Variants in AUH observed in about 807,000 individuals in gnomAD.
AUH encodes the protein AU RNA binding methylglutaconyl-CoA hydratase, also known as methylglutaconyl-CoA hydratase, mitochondrial.
Under a neutral mutation model 42.3 loss-of-function variants are expected in AUH, and 29 were observed. The observed-to-expected ratio is 0.69, with a 90% CI of 0.51 to 0.93. The LOEUF (loss-of-function observed/expected upper bound fraction) is 0.93. Ranked by LOEUF, AUH falls within the 40% of genes least tolerant of loss-of-function variation. The pLI is 0.00. For synonymous variants in AUH, 174 were observed against 166.4 expected (o/e 1.05, Z -0.35); for missense variants, 452 against 438.1 (o/e 1.03, Z -0.28).
rs1163269648 is a variant in AUH at position 91,214,236 on chromosome 9, T to A, written c.*112A>T. The A allele has an allele frequency of 2.3e-6, 2 of 863,214 alleles. No individual in the cohort carries two copies. Among genetic ancestry groups the A allele is most frequent in the African/African-American group, 3.3e-5 (2 of 60,014 alleles). The allele number at this position is 863,214 out of a possible 1,614,324, so 53.5% of individuals were successfully genotyped here. On this transcript the variant is annotated 3_prime_UTR_variant, in exon 10 of 10. Coordinates refer to ENST00000375731, the MANE Select transcript of AUH (RefSeq NM_001698.3). ...TGCTTATTACACCGTATGAATAATC[T>A]GCTCTTCACTTTGGTCATTAAGGTT...
intron 3 of AUH, among the ~76,000 whole-genome samples, chr9:91,346,188 G>A (rs890398861): frequency 1.3e-5 from 2 of 152,044 alleles, no homozygotes; most frequent in Admixed American, 6.5e-5. Context: ...CAGGACAGGC[G>A]CTGGTCACCA....
At chr9:91,338,272 C>T (rs1587891028) in intron 3 of AUH, among the ~76,000 whole-genome samples, 2 of 152,340 alleles carry the variant, frequency 1.3e-5, no homozygotes, top group Admixed American at 6.5e-5. Flanking sequence ...CTTTCTGAAA[C>T]GTGATGACAC....
intron 6 of AUH, among the ~76,000 whole-genome samples, chr9:91,274,007 G>A (rs1428429085): frequency 6.6e-6 from 1 of 152,122 alleles, no homozygotes; most frequent in Non-Finnish European, 1.5e-5. Flanking sequence ...AAAATAACGG[G>A]CACACAAGAG....
chr9:91,257,790 C>G (rs1017389273), intron 6 of AUH, among the ~76,000 whole-genome samples: 1 of 152,142 alleles, frequency 6.6e-6, no homozygotes, highest in Non-Finnish European at 1.5e-5. Flanking sequence ...TGCCATTGTA[C>G]ACAAAAATCG....
At position 91,246,348 on chromosome 9, in the gene AUH, C is replaced by T. The variant is rs115108583; in HGVS notation, c.656-25356G>A. ...GACAAGACAGGCCAGCCTCCCCACTCCTCAAAGCAAACCAAACCAAACAAG... is the reference window on the plus strand; with the variant it reads ...GACAAGACAGGCCAGCCTCCCCACTTCTCAAAGCAAACCAAACCAAACAAG... On this transcript the variant is annotated intron_variant, in intron 6 of 9. Transcript: ENST00000375731. Among the ~76,000 whole-genome samples, 305 of 152,330 alleles carry T rather than the reference C, an allele frequency of 2.0e-3. 2 individuals are homozygous for T. The highest frequency in any genetic ancestry group is 6.6e-3 in the African/African-American group (273 of 41,564).
At chr9:91,281,704 A>G (rs1825976394) in intron 6 of AUH, among the ~76,000 whole-genome samples, 2 of 152,076 alleles carry the variant, frequency 1.3e-5, no homozygotes, top group East Asian at 1.9e-4. Flanking sequence ...CATTCTTTAC[A>G]TCGGTTTCTT....
chr9:91,337,736 G>A (rs1242099657), intron 3 of AUH, among the ~76,000 whole-genome samples: 2 of 152,160 alleles, frequency 1.3e-5, no homozygotes, highest in Non-Finnish European at 2.9e-5. Context: ...GTTAGATGGA[G>A]GTGAGAGCTC....
intron 3 of AUH, among the ~76,000 whole-genome samples, chr9:91,335,821 TTAA>T (rs1830648787): frequency 6.6e-6 from 1 of 152,240 alleles, no homozygotes; most frequent in Admixed American, 6.5e-5. Context: ...ACGTTTTTTG[TTAA>T]TGACTTCTAA....
intron 6 of AUH, among the ~76,000 whole-genome samples, chr9:91,242,544 C>T (rs1280686532): frequency 6.6e-6 from 1 of 152,106 alleles, no homozygotes; most frequent in Non-Finnish European, 1.5e-5. Context: ...TTGGAAAGCT[C>T]AACACATGAA....
At chr9:91,216,348 C>T (rs1215606761) in intron 8 of AUH, among the ~76,000 whole-genome samples, 1 of 151,940 alleles carries the variant, frequency 6.6e-6, no homozygotes, top group East Asian at 1.9e-4. Flanking sequence ...TTCAAAGAGG[C>T]ATGTCTGAAC....
At chr9:91,345,714 TCC>T (rs1209273261) in intron 3 of AUH, among the ~76,000 whole-genome samples, 3 of 151,270 alleles carry the variant, frequency 2.0e-5, no homozygotes, top group Admixed American at 6.6e-5. Context: ...GCCCCTGTAG[TCC>T]CAGCTACTCG....
At chr9:91,346,754 C>G (rs1831539693) in intron 3 of AUH, among the ~76,000 whole-genome samples, 1 of 151,970 alleles carries the variant, frequency 6.6e-6, no homozygotes, top group African/African-American at 2.4e-5. Flanking sequence ...TCAGATGCAA[C>G]TCACAAGTCC....
chr9:91,321,688 T>A (rs889795159), intron 4 of AUH, among the ~76,000 whole-genome samples: 1 of 152,196 alleles, frequency 6.6e-6, no homozygotes, highest in African/African-American at 2.4e-5. Context: ...CCTGTTTTAG[T>A]ACAAACCTGT....
intron 6 of AUH, among the ~76,000 whole-genome samples, chr9:91,233,868 A>G (rs1337076467): frequency 6.6e-6 from 1 of 152,180 alleles, no homozygotes; most frequent in Non-Finnish European, 1.5e-5. Flanking sequence ...ATACAAGCAT[A>G]AGAACCCTCT....
chr9:91,216,661 A>AC (rs1189095408), intron 8 of AUH, among the ~76,000 whole-genome samples: 2 of 152,132 alleles, frequency 1.3e-5, no homozygotes, highest in African/African-American at 4.8e-5. Flanking sequence ...TCCTTAGTCT[A>AC]CCAAGAAGGA....
intron 4 of AUH, among the ~76,000 whole-genome samples, chr9:91,305,615 T>G (rs1163449358): frequency 6.6e-6 from 1 of 152,040 alleles, no homozygotes; most frequent in African/African-American, 2.4e-5. Context: ...CCACCTGCCT[T>G]CCTACCTTTC....
At chr9:91,221,071 T>G in intron 6 of AUH, 79 bp from the exon 7 acceptor site, 3 of 1,500,516 alleles carry the variant, frequency 2.0e-6, no homozygotes, top group Non-Finnish European at 2.8e-6. Flanking sequence ...TATCTTCATT[T>G]ATAAAAATAA....
chr9:91,296,474 G>A (rs1171762648), intron 5 of AUH, among the ~76,000 whole-genome samples: 2 of 152,118 alleles, frequency 1.3e-5, no homozygotes, highest in Admixed American at 1.3e-4. Context: ...CCAGACCAAA[G>A]AGCTTAATAG....
At chr9:91,242,144 G>A (rs931543054) in intron 6 of AUH, among the ~76,000 whole-genome samples, 5 of 152,164 alleles carry the variant, frequency 3.3e-5, no homozygotes, top group Admixed American at 1.3e-4. Flanking sequence ...TTGCCAGGGC[G>A]AGTGAGTCAA....
Sources: gnomAD v4.1 joint callset for allele counts (sites outside exome capture counted in the v4.1 genomes callset) on GRCh38, gnomAD v4.1.1 for gene constraint, MANE v1.5 for transcripts, NCBI Gene and HGNC (gene_info 2026-07-23, HGNC 2026-07-21) for gene names.